The following MGST1 variants were observed in gnomAD, a reference collection of about 807,000 sequenced individuals.
The protein encoded by MGST1 is glutathione S-transferase 12.
In MGST1, 5 loss-of-function variants were observed where a neutral mutation model predicts 8.9. That is an observed-to-expected ratio of 0.56 (90% CI 0.29 to 1.19). MGST1 has a LOEUF of 1.19. MGST1 is among the 50% of genes most tolerant of loss of function. The pLI, the probability that MGST1 is intolerant of heterozygous loss-of-function variation, is 0.08. For missense variants in MGST1, 182 were observed against 187.4 expected, an observed-to-expected ratio of 0.97 and a Z score of 0.17; for synonymous variants, 54 against 67.8, an observed-to-expected ratio of 0.80 and a Z score of 1.00.
chr12:16,411,292 G>C (rs1940741089), intron 1 of MGST1, among the ~76,000 whole-genome samples: 1 of 152,020 alleles, frequency 6.6e-6, no homozygotes, highest in African/African-American at 2.4e-5. Flanking sequence ...GGTCATTGAA[G>C]GTAGTAAATA....
At chr12:16,420,118 A>G (rs1565450894) in intron 1 of MGST1, among the ~76,000 whole-genome samples, 1 of 152,096 alleles carries the variant, frequency 6.6e-6, no homozygotes, top group Non-Finnish European at 1.5e-5. Context: ...TACATATATG[A>G]ATTTTAAGAA....
intron 1 of MGST1, chr12:16,402,261 G>A (rs1468179935): frequency 1.9e-6 from 3 of 1,588,422 alleles, no homozygotes; most frequent in Non-Finnish European, 2.6e-6. Context: ...AAAGAGCCAT[G>A]TCTGTAAGGC....
exon 2 of MGST1, chr12:16,438,308 C>T (rs1448597994): frequency 1.3e-5 from 2 of 151,822 alleles, no homozygotes; most frequent in African/African-American, 4.8e-5. Context: ...AAATGCAACC[C>T]TCAGCCACTG....
rs1940534307 is a variant in MGST1, at chr12:16,389,781, G to C, written n.778+6177G>C. Among the ~76,000 whole-genome samples, 1 of 152,186 alleles carries C rather than the reference G, an allele frequency of 6.6e-6. No individual in the cohort carries two copies. Among genetic ancestry groups the C allele is most frequent in the South Asian group, 2.1e-4 (1 of 4,832 alleles). On this transcript the variant is annotated intron_variant and non_coding_transcript_variant, in intron 1 of 1. Coordinates refer to the MGST1 transcript ENST00000359720. The surrounding 1 kb of genome is among the most constrained non-coding windows in gnomAD (Gnocchi z 4.6). ...GGAGTTTTCATAGTAAGAGCTTGCA[G>C]AGGTGGCTGGGAGTGAGGCATGAGA...
chr12:16,579,810 T>C (rs571861457), intron 4 of MGST1, among the ~76,000 whole-genome samples: 1 of 152,344 alleles, frequency 6.6e-6, no homozygotes, highest in African/African-American at 2.4e-5. Context: ...AAATACCAGC[T>C]TATAAATGTA....
At chr12:16,415,293 G>T (rs566637170) in intron 1 of MGST1, among the ~76,000 whole-genome samples, 1 of 152,238 alleles carries the variant, frequency 6.6e-6, no homozygotes, top group African/African-American at 2.4e-5. Context: ...ATTTCCATAG[G>T]GAGGAGGGGT....
At chr12:16,510,137 A>G (rs947707894) in intron 4 of MGST1, among the ~76,000 whole-genome samples, 1 of 152,230 alleles carries the variant, frequency 6.6e-6, no homozygotes, top group African/African-American at 2.4e-5. Flanking sequence ...GCTGACTTCT[A>G]CGTCGTGCAG....
At chr12:16,452,245 C>T (rs1941134506) in intron 4 of MGST1, among the ~76,000 whole-genome samples, 1 of 151,688 alleles carries the variant, frequency 6.6e-6, no homozygotes, top group Non-Finnish European at 1.5e-5. Context: ...ATCTTTATTT[C>T]CTATAACATC....
At chr12:16,567,539 A>G (rs1942660339) in intron 4 of MGST1, 2 of 152,312 alleles carry the variant, frequency 1.3e-5, no homozygotes, top group Non-Finnish European at 2.9e-5. Flanking sequence ...CAAGTAGAGA[A>G]CTGCGGGGAG....
downstream of MGST1, among the ~76,000 whole-genome samples, chr12:16,377,457 C>T (rs1377922212): frequency 6.6e-6 from 1 of 151,948 alleles, no homozygotes; most frequent in East Asian, 1.9e-4. Flanking sequence ...TCATCCATGT[C>T]CCTACAAAGG....
At chr12:16,510,432 T>A (rs1407483277) in intron 4 of MGST1, among the ~76,000 whole-genome samples, 1 of 152,212 alleles carries the variant, frequency 6.6e-6, no homozygotes, top group Non-Finnish European at 1.5e-5. Flanking sequence ...TTTTAAAATT[T>A]GTACAAAAAT....
intron 4 of MGST1, among the ~76,000 whole-genome samples, chr12:16,476,622 G>C (rs1339153521): frequency 1.3e-5 from 2 of 152,032 alleles, no homozygotes; most frequent in Non-Finnish European, 1.5e-5. Flanking sequence ...TAAACATATT[G>C]GTTAAATATA....
intron 3 of MGST1, among the ~76,000 whole-genome samples, chr12:16,375,449 A>C (rs1173396274): frequency 6.6e-6 from 1 of 152,146 alleles, no homozygotes; most frequent in African/African-American, 2.4e-5. Flanking sequence ...AACCTTCCAC[A>C]AAGGAACTAT....
chr12:16,383,063 G>A (rs895781259), exon 1 of MGST1: 2 of 152,646 alleles, frequency 1.3e-5, no homozygotes, highest in African/African-American at 4.8e-5. Context: ...CTTTGACTAG[G>A]AAAGGGAATT....
chr12:16,589,817 A>AG (rs1174410361), downstream of MGST1, among the ~76,000 whole-genome samples: 1 of 152,092 alleles, frequency 6.6e-6, no homozygotes, highest in African/African-American at 2.4e-5. The surrounding 1 kb of genome is among the most constrained non-coding windows in gnomAD (Gnocchi z 4.2). Context: ...GGAAGAACAG[A>AG]GGGGGACTGT....
rs534721617 is a variant in MGST1, at chr12:16,407,884, T to C, written n.778+24280T>C. On this transcript the variant is annotated intron_variant and non_coding_transcript_variant, in intron 1 of 1. Coordinates refer to the MGST1 transcript ENST00000359720. Reference sequence around the variant, plus strand: ...CTGTCTCTACTAAAAATACAAAAATTAGCTGGGCGTGGTGGTGTTTGCCTG... The same window carrying C: ...CTGTCTCTACTAAAAATACAAAAATCAGCTGGGCGTGGTGGTGTTTGCCTG... 4.6e-5 allele frequency among the ~76,000 whole-genome samples: 7 copies of C among 151,802 alleles called. No individual in the cohort carries two copies. In the South Asian group the frequency reaches 1.0e-3, roughly 23 times the overall value.
At chr12:16,380,739 A>G (rs1039350762), downstream of MGST1, among the ~76,000 whole-genome samples, 5 of 152,116 alleles carry the variant, frequency 3.3e-5, no homozygotes, top group African/African-American at 9.6e-5. Flanking sequence ...TGTTGACAGT[A>G]GGGTGTTAAA....
At chr12:16,571,046 T>C (rs550852289) in intron 4 of MGST1, among the ~76,000 whole-genome samples, 1 of 152,032 alleles carries the variant, frequency 6.6e-6, no homozygotes. Flanking sequence ...TAATAAATTT[T>C]AAAAAAATCT....
intron 1 of MGST1, among the ~76,000 whole-genome samples, chr12:16,398,001 A>G (rs1325151723): frequency 1.3e-5 from 2 of 151,330 alleles, no homozygotes; most frequent in African/African-American, 2.4e-5. Context: ...GATCACAATT[A>G]TTTCTCCATT....
Sources: allele counts gnomAD v4.1 joint callset (sites outside exome capture counted in the v4.1 genomes callset), GRCh38; gene constraint gnomAD v4.1.1; non-coding constraint Gnocchi (gnomAD v3.1); transcripts MANE v1.5; gene names NCBI Gene and HGNC (gene_info 2026-07-23, HGNC 2026-07-21).